The following PPP2R2B variants were observed in gnomAD, a reference collection of about 807,000 sequenced individuals.
PPP2R2B encodes serine/threonine-protein phosphatase 2A 55 kDa regulatory subunit B beta isoform.
PPP2R2B carries 5 observed loss-of-function variants against 46.0 expected under a neutral mutation model. That is an observed-to-expected ratio of 0.11 (90% confidence interval 0.06 to 0.23). The LOEUF is 0.23. PPP2R2B is among the 10% of genes least tolerant of loss of function. The pLI is 1.00. For missense variants in PPP2R2B, 367 were observed against 575.0 expected, an observed-to-expected ratio of 0.64 and a Z score of 3.70; for synonymous variants, 215 against 206.7, an observed-to-expected ratio of 1.04 and a Z score of -0.34.
At chr5:146,879,221 C>A (rs1304746924), upstream of PPP2R2B, 1 of 153,358 alleles carries the variant, frequency 6.5e-6, no homozygotes, top group Non-Finnish European at 1.5e-5. Context: ...GTGGGAAGTG[C>A]CGCTCAGAGC....
chr5:146,966,103 T>C lies in PPP2R2B; in HGVS notation c.79+89562A>G, dbSNP rs967707393. On this transcript the variant is annotated intron_variant, in intron 1 of 8. Transcript: ENST00000336640. Reference sequence around the variant, plus strand: ...ATTGTCACCATACCAAAGCCAGGAATTGGAATCCTGTACACCCATTAGAAA... The same window carrying C: ...ATTGTCACCATACCAAAGCCAGGAACTGGAATCCTGTACACCCATTAGAAA... 3.3e-5 allele frequency among the ~76,000 whole-genome samples: 5 copies of C among 152,208 alleles called. No individual in the cohort carries two copies. The South Asian group carries it at 1.0e-3, about 32-fold the overall frequency.
intron 1 of PPP2R2B, among the ~76,000 whole-genome samples, chr5:146,927,583 C>CA (rs995544930): frequency 1.3e-5 from 2 of 152,160 alleles, no homozygotes; most frequent in African/African-American, 4.8e-5. Flanking sequence ...TGCCTGCATG[C>CA]TGTTACACCT....
Position 146,890,864 on chromosome 5 carries a change from G to A in PPP2R2B, c.79+164801C>T, listed in dbSNP as rs73796027. ...TCATAGATCCTTTTGAGAATTTAAT[G>A]ATTTCTCTCCCCAGGAAAACAGCAA... On this transcript the variant is annotated intron_variant, in intron 1 of 8. Coordinates refer to the PPP2R2B transcript ENST00000336640. 2.5e-3 allele frequency among the ~76,000 whole-genome samples: 386 copies of A among 152,204 alleles called. 1 individual carries two copies. The highest frequency in any genetic ancestry group is 8.8e-3 in the African/African-American group (366 of 41,518).
At chr5:146,956,419 G>T (rs968627293) in intron 1 of PPP2R2B, among the ~76,000 whole-genome samples, 23 of 152,104 alleles carry the variant, frequency 1.5e-4, no homozygotes, top group Admixed American at 9.8e-4. Context: ...TCCCCAGAAA[G>T]CTTGCTCAAG....
intron 1 of PPP2R2B, among the ~76,000 whole-genome samples, chr5:146,960,530 C>T (rs1464048914): frequency 6.6e-6 from 1 of 152,096 alleles, no homozygotes; most frequent in East Asian, 1.9e-4. Context: ...ACTCGTGATC[C>T]ACCCGCCTCA....
In PPP2R2B at chr5:146,690,134, T is replaced by C. The variant is rs536776164; in HGVS notation, c.447+994A>G. Among the ~76,000 whole-genome samples, 4 of 152,360 alleles carry C rather than the reference T, an allele frequency of 2.6e-5. 1 individual carries two copies. Among genetic ancestry groups the C allele is most frequent in the African/African-American group, 9.6e-5 (4 of 41,592 alleles). On this transcript the variant is annotated intron_variant, in intron 5 of 9. Coordinates refer to ENST00000394411, the MANE Select transcript of PPP2R2B (RefSeq NM_181675.4). ...TGTCTCCCTTCTTACTTTTGGTCTT[T>C]AGCAGAGCTGCTGGTGTCTGAAATC...
chr5:146,691,263 G>A (rs947131926), intron 4 of PPP2R2B, 23 bp from the exon 5 acceptor site: 1 of 1,601,568 alleles, frequency 6.2e-7, no homozygotes, highest in African/African-American at 1.3e-5. Context: ...ACCAGATTAA[G>A]TCAGAATTAT....
chr5:146,852,212 A>C (rs940722324), intron 2 of PPP2R2B, among the ~76,000 whole-genome samples: 19 of 152,226 alleles, frequency 1.2e-4, no homozygotes, highest in African/African-American at 4.3e-4. Flanking sequence ...AATCTCAAGA[A>C]AAGAAAATGC....
At chr5:146,953,569 A>ATAAAAGTG (rs1751727907) in intron 1 of PPP2R2B, among the ~76,000 whole-genome samples, 1 of 152,196 alleles carries the variant, frequency 6.6e-6, no homozygotes, top group African/African-American at 2.4e-5. Context: ...TCACAAAAAG[A>ATAAAAGTG]TATAAAGTGA....
chr5:146,818,011 G>A (rs1758031841), intron 2 of PPP2R2B, among the ~76,000 whole-genome samples: 1 of 152,074 alleles, frequency 6.6e-6, no homozygotes, highest in African/African-American at 2.4e-5. Context: ...TGCCTGGCAG[G>A]GCTGCCCTAT....
intron 2 of PPP2R2B, among the ~76,000 whole-genome samples, chr5:146,826,261 G>C (rs1561938041): frequency 6.6e-6 from 1 of 152,072 alleles, no homozygotes. Context: ...CTTGACATCG[G>C]ATTATTCTGA....
intron 1 of PPP2R2B, among the ~76,000 whole-genome samples, chr5:146,890,072 A>T (rs1309445507): frequency 6.6e-6 from 1 of 152,218 alleles, no homozygotes; most frequent in Non-Finnish European, 1.5e-5. Flanking sequence ...TTTGCGTCAT[A>T]TGCACCACTT....
At chr5:146,728,851 C>G (rs1752046672) in intron 2 of PPP2R2B, among the ~76,000 whole-genome samples, 1 of 152,256 alleles carries the variant, frequency 6.6e-6, no homozygotes, top group Non-Finnish European at 1.5e-5. Context: ...CATGTGGAAC[C>G]ATATAAGTCC....
intron 1 of PPP2R2B, among the ~76,000 whole-genome samples, chr5:146,915,321 A>G (rs1208260006): frequency 2.6e-5 from 4 of 152,090 alleles, no homozygotes; most frequent in African/African-American, 9.7e-5. Context: ...GAAAAATTCA[A>G]ATTGCTCACC....
At chr5:146,931,513 G>A (rs1391388375) in intron 1 of PPP2R2B, among the ~76,000 whole-genome samples, 2 of 152,168 alleles carry the variant, frequency 1.3e-5, no homozygotes, top group Admixed American at 1.3e-4. Context: ...TTCAAGGGTT[G>A]ACTGTTTGCT....
chr5:146,922,026 A>G (rs552719855), intron 1 of PPP2R2B, among the ~76,000 whole-genome samples: 4 of 152,226 alleles, frequency 2.6e-5, no homozygotes, highest in Non-Finnish European at 5.9e-5. Flanking sequence ...GCTGAGTGAC[A>G]GAACTGGGAT....
chr5:146,828,261 TAAAAA>T (rs1218241360), intron 2 of PPP2R2B, among the ~76,000 whole-genome samples: 8 of 147,586 alleles, frequency 5.4e-5, no homozygotes, highest in African/African-American at 2.0e-4. Flanking sequence ...TTACTTTTTT[TAAAAA>T]AAAAAAAGAC....
intron 1 of PPP2R2B, among the ~76,000 whole-genome samples, chr5:146,950,216 A>C (rs1230913588): frequency 6.6e-6 from 1 of 152,056 alleles, no homozygotes; most frequent in Non-Finnish European, 1.5e-5. Context: ...CTGTATTAAA[A>C]TATCTCATGT....
At chr5:146,979,062 CTT>C (rs1343965344) in intron 1 of PPP2R2B, among the ~76,000 whole-genome samples, 1 of 152,172 alleles carries the variant, frequency 6.6e-6, no homozygotes, top group African/African-American at 2.4e-5. Flanking sequence ...TCGTTTCTCT[CTT>C]TTCCCATTTC....
Sources: allele counts gnomAD v4.1 joint callset (sites outside exome capture counted in the v4.1 genomes callset), GRCh38; gene constraint gnomAD v4.1.1; transcripts MANE v1.5; gene names NCBI Gene and HGNC (gene_info 2026-07-23, HGNC 2026-07-21).